Variants in GRIP1 observed in about 807,000 individuals in gnomAD.
GRIP1 encodes glutamate receptor-interacting protein 1.
In GRIP1, 45 loss-of-function variants were observed where a neutral mutation model predicts 129.9. The observed-to-expected ratio is 0.35, with a 90% CI of 0.27 to 0.44. The LOEUF (loss-of-function observed/expected upper bound fraction) is 0.44. Among genes scored for constraint, GRIP1 ranks in the 20% least tolerant of loss-of-function variants. The probability of loss-of-function intolerance (pLI) is 1.00; values close to 1 mark genes in which losing one functional copy is unlikely to be tolerated. For synonymous variants in GRIP1, 530 were observed against 520.8 expected (o/e 1.02, Z -0.24); for missense variants, 1,196 against 1,396.8 (o/e 0.86, Z 2.29).
intron 1 of GRIP1, among the ~76,000 whole-genome samples, chr12:66,723,724 T>C (rs933262133): frequency 6.6e-6 from 1 of 152,136 alleles, no homozygotes; most frequent in South Asian, 2.1e-4. Flanking sequence ...GGTATCTACA[T>C]GTAAAACAGT....
Position 66,450,166 on chromosome 12 carries a change from T to C in GRIP1, c.1355-4658A>G, listed in dbSNP as rs539336034. On this transcript the variant is annotated intron_variant, in intron 11 of 24. Coordinates refer to ENST00000359742, the MANE Select transcript of GRIP1 (RefSeq NM_001366722.1). ...ATACAAAAACAAAATTAGCCGGGCG[T>C]GGTGGCAGGCGCCTGTAGTCCCAGC... Among the ~76,000 whole-genome samples, 205 of 150,898 alleles carry C rather than the reference T, an allele frequency of 1.4e-3. 1 individual carries two copies. The highest frequency in any genetic ancestry group is 4.1e-3 in the African/African-American group (168 of 41,198).
chr12:66,379,267 T>C lies in GRIP1; in HGVS notation c.2621+13A>G, dbSNP rs1230509901. 1.2e-6 allele frequency: 2 copies of C among 1,612,946 alleles called. No homozygotes were observed. The highest frequency in any genetic ancestry group is 1.7e-5 in the Admixed American group (1 of 59,998). On this transcript the variant is annotated intron_variant, in intron 20 of 24. Transcript: ENST00000359742. ...GTCATCTTGGATGAGGCAGCATTGG[T>C]TGAAAACCTTACCCACTGGCTGTGG... is the stretch of plus-strand genomic sequence containing the variant.
chr12:66,573,589 G>A (rs535643750), intron 2 of GRIP1, among the ~76,000 whole-genome samples: 3 of 152,228 alleles, frequency 2.0e-5, no homozygotes, highest in Non-Finnish European at 4.4e-5. Context: ...GGCAGGGCCG[G>A]CATTCAAGTA....
chr12:66,363,559 G>A (rs909177225), intron 23 of GRIP1, among the ~76,000 whole-genome samples: 5 of 151,624 alleles, frequency 3.3e-5, no homozygotes, highest in Admixed American at 3.3e-4. Context: ...CCCTCCTTAT[G>A]CCTCTTTAAA....
At chr12:66,681,240 A>C (rs2034573631), upstream of GRIP1, among the ~76,000 whole-genome samples, 1 of 152,122 alleles carries the variant, frequency 6.6e-6, no homozygotes, top group African/African-American at 2.4e-5. Flanking sequence ...GAACGAATTC[A>C]CCAGGTATTC....
intron 1 of GRIP1, among the ~76,000 whole-genome samples, chr12:66,803,353 G>T (rs1395435696): frequency 6.6e-6 from 1 of 152,058 alleles, no homozygotes; most frequent in Admixed American, 6.6e-5. Context: ...AGGCATTTCT[G>T]GGCATTTTAA....
chr12:66,805,418 T>G (rs1344377824), upstream of GRIP1, among the ~76,000 whole-genome samples: 1 of 152,196 alleles, frequency 6.6e-6, no homozygotes, highest in Non-Finnish European at 1.5e-5. Context: ...CTTCTTCAGG[T>G]CTTTAAGCGA....
chr12:66,660,700 T>C (rs2033445187), intron 1 of GRIP1, among the ~76,000 whole-genome samples: 1 of 152,170 alleles, frequency 6.6e-6, no homozygotes, highest in Non-Finnish European at 1.5e-5. Flanking sequence ...GAAGTGATGT[T>C]TGAAAAGAAG....
intron 2 of GRIP1, among the ~76,000 whole-genome samples, chr12:66,577,674 G>T (rs1363649619): frequency 6.6e-6 from 1 of 152,210 alleles, no homozygotes; most frequent in Non-Finnish European, 1.5e-5. Context: ...TTTCAGCTGG[G>T]TGCAGTGGCT....
intron 1 of GRIP1, among the ~76,000 whole-genome samples, chr12:66,744,559 G>T (rs539267627): frequency 6.6e-6 from 1 of 152,248 alleles, no homozygotes; most frequent in African/African-American, 2.4e-5. Flanking sequence ...AATAGTTCCT[G>T]ATTGTGAAGC....
intron 1 of GRIP1, among the ~76,000 whole-genome samples, chr12:66,767,648 G>A (rs567081767): frequency 4.2e-4 from 64 of 151,508 alleles, no homozygotes; most frequent in Middle Eastern, 7.0e-3. Context: ...ATTTCTTGCC[G>A]TAGGCTGAAA....
intron 1 of GRIP1, among the ~76,000 whole-genome samples, chr12:66,714,241 G>A (rs888673622): frequency 1.3e-5 from 2 of 152,030 alleles, no homozygotes; most frequent in South Asian, 2.1e-4. Context: ...TACAATTCAC[G>A]ACTTAAGGAG....
intron 1 of GRIP1, among the ~76,000 whole-genome samples, chr12:66,748,851 A>C (rs899691551): frequency 1.5e-4 from 23 of 152,212 alleles, no homozygotes; most frequent in African/African-American, 5.1e-4. Context: ...AACAGGGATA[A>C]AACATGCATT....
chr12:66,873,934 T>C lies in GRIP1; in HGVS notation c.58+195116A>G, dbSNP rs1190029125. Reference sequence around the variant, plus strand: ...AAATTCAATTACGTTTCTCTACATCTTATCATCACTGCCAAAAGATGTACT... The same window carrying C: ...AAATTCAATTACGTTTCTCTACATCCTATCATCACTGCCAAAAGATGTACT... On this transcript the variant is annotated intron_variant, in intron 1 of 1. Coordinates refer to the GRIP1 transcript ENST00000643019. 1.3e-5 allele frequency among the ~76,000 whole-genome samples: 2 copies of C among 152,184 alleles called. 1 individual carries two copies. Among genetic ancestry groups the C allele is most frequent in the East Asian group, 3.9e-4 (2 of 5,176 alleles).
chr12:66,424,195 G>A (rs955000994), intron 14 of GRIP1, among the ~76,000 whole-genome samples: 5 of 152,020 alleles, frequency 3.3e-5, no homozygotes, highest in Admixed American at 3.3e-4. Flanking sequence ...ATTTTATCCC[G>A]GATCACAAGA....
chr12:66,564,859 G>T (rs536354904), intron 2 of GRIP1, among the ~76,000 whole-genome samples: 54 of 152,318 alleles, frequency 3.5e-4, no homozygotes, highest in African/African-American at 1.3e-3. Context: ...GTTTTGATTT[G>T]CACTTCTCTG....
At chr12:66,633,273 T>TTA (rs1017466400) in intron 1 of GRIP1, among the ~76,000 whole-genome samples, 3 of 144,748 alleles carry the variant, frequency 2.1e-5, no homozygotes, top group South Asian at 2.1e-4. Flanking sequence ...TAAAAATATA[T>TTA]TATATATATA....
intron 1 of GRIP1, among the ~76,000 whole-genome samples, chr12:66,845,519 T>G (rs1272797927): frequency 6.6e-6 from 1 of 152,182 alleles, no homozygotes; most frequent in Non-Finnish European, 1.5e-5. Flanking sequence ...TTTCTGGTAT[T>G]AATTTTTGCA....
intron 7 of GRIP1, among the ~76,000 whole-genome samples, chr12:66,486,610 C>G (rs2059962050): frequency 6.6e-6 from 1 of 152,104 alleles, no homozygotes; most frequent in Non-Finnish European, 1.5e-5. Flanking sequence ...CTGTTGCCAT[C>G]CACTTAAGAT....
Sources: gnomAD v4.1 joint callset for allele counts (sites outside exome capture counted in the v4.1 genomes callset) on GRCh38, gnomAD v4.1.1 for gene constraint, MANE v1.5 for transcripts, NCBI Gene and HGNC (gene_info 2026-07-23, HGNC 2026-07-21) for gene names.